MAD1L1: variants seen among roughly 807,000 people sequenced by gnomAD.
MAD1L1 encodes the protein mitotic arrest deficient 1 like 1, also known as mitotic spindle assembly checkpoint protein MAD1.
MAD1L1 carries 95 observed loss-of-function variants against 96.9 expected under a neutral mutation model. That is an observed-to-expected ratio of 0.98 (90% confidence interval 0.83 to 1.16). The LOEUF (loss-of-function observed/expected upper bound fraction) is 1.16. MAD1L1 is among the 50% of genes most tolerant of loss of function. MAD1L1 has a pLI of 0.00. For synonymous variants in MAD1L1, 473 were observed against 396.6 expected, an observed-to-expected ratio of 1.19 and a Z score of -2.29; for missense variants, 1,007 against 954.4, an observed-to-expected ratio of 1.06 and a Z score of -0.73.
At chr7:2,197,810 C>T (rs559552970) in intron 10 of MAD1L1, among the ~76,000 whole-genome samples, 5 of 152,214 alleles carry the variant, frequency 3.3e-5, no homozygotes, top group African/African-American at 4.8e-5. Context: ...CTCCTTCTGG[C>T]TACATCACTG....
chr7:2,194,629 A>G (rs1353908415), intron 10 of MAD1L1, among the ~76,000 whole-genome samples: 1 of 152,230 alleles, frequency 6.6e-6, no homozygotes, highest in Non-Finnish European at 1.5e-5. Context: ...AATATTTACT[A>G]TTAATACCCA....
At chr7:2,157,444 G>GCA (rs1203296218) in intron 10 of MAD1L1, among the ~76,000 whole-genome samples, 1 of 152,200 alleles carries the variant, frequency 6.6e-6, no homozygotes, top group Non-Finnish European at 1.5e-5. Context: ...GAGAAAAGCA[G>GCA]CACAGCATGC....
intron 15 of MAD1L1, among the ~76,000 whole-genome samples, chr7:1,965,604 C>T (rs1255307343): frequency 3.3e-5 from 5 of 152,256 alleles, no homozygotes; most frequent in African/African-American, 9.6e-5. Context: ...CCTCCCTGCT[C>T]GGAGTATGGA....
chr7:1,981,443 AG>A (rs1224838227), intron 14 of MAD1L1, among the ~76,000 whole-genome samples: 1 of 152,126 alleles, frequency 6.6e-6, no homozygotes, highest in East Asian at 1.9e-4. Flanking sequence ...CACCAGCTCC[AG>A]GGCCCGGGGG....
chr7:2,205,382 T>C (rs1792546703), intron 10 of MAD1L1, among the ~76,000 whole-genome samples: 1 of 152,188 alleles, frequency 6.6e-6, no homozygotes, highest in African/African-American at 2.4e-5. Flanking sequence ...ATCACTGCTG[T>C]GAAACCTAAA....
intron 1 of MAD1L1, among the ~76,000 whole-genome samples, chr7:2,232,442 A>G (rs925663931): frequency 2.6e-5 from 4 of 152,186 alleles, no homozygotes; most frequent in African/African-American, 9.6e-5. Context: ...CAGGATGCCA[A>G]GAGCCCCTGC....
At chr7:1,993,472 C>T (rs141073556) in intron 14 of MAD1L1, among the ~76,000 whole-genome samples, 98 of 152,308 alleles carry the variant, frequency 6.4e-4, no homozygotes, top group African/African-American at 2.2e-3. Context: ...ACACAAAGGT[C>T]ACGACGTATC....
chr7:2,132,037 A>G (rs1044115668), intron 11 of MAD1L1, among the ~76,000 whole-genome samples: 2 of 152,114 alleles, frequency 1.3e-5, no homozygotes, highest in African/African-American at 4.8e-5. Context: ...TCTCTTCTCC[A>G]AGCAGTCAGT....
chr7:2,209,047 G>A (rs139474260), intron 10 of MAD1L1, among the ~76,000 whole-genome samples: 7 of 152,246 alleles, frequency 4.6e-5, no homozygotes, highest in Non-Finnish European at 5.9e-5. Flanking sequence ...TCATCCACAC[G>A]CACTGTGTCC....
intron 16 of MAD1L1, among the ~76,000 whole-genome samples, chr7:1,947,157 C>T (rs112055688): frequency 8.5e-4 from 130 of 152,354 alleles, no homozygotes; most frequent in Admixed American, 3.1e-3. Context: ...TGAGCCCACG[C>T]CCTGGTGCGT....
At chr7:2,232,818 C>T (rs971033920) in intron 1 of MAD1L1, 54 bp downstream of exon 1, 34 of 152,174 alleles carry the variant, frequency 2.2e-4, no homozygotes, top group African/African-American at 6.5e-4. Flanking sequence ...CTTGCCATTC[C>T]CGGGACCCCC....
In MAD1L1 at chr7:1,869,926, G is replaced by A. The variant is rs1045375711; in HGVS notation, c.1998+28274C>T. On this transcript the variant is annotated intron_variant, in intron 18 of 18. Transcript: ENST00000265854. ...GCAGGCTGTGAGCCCAGGAAGCAACGGGGTCCAACAGGCGGCTGGCTGGAG... is the reference window on the plus strand; with the variant it reads ...GCAGGCTGTGAGCCCAGGAAGCAACAGGGTCCAACAGGCGGCTGGCTGGAG... Among the ~76,000 whole-genome samples the A allele has an allele frequency of 3.3e-5, 5 of 152,160 alleles. No individual in the cohort carries two copies. In the East Asian group the frequency reaches 7.7e-4, roughly 23 times the overall value.
At chr7:1,851,190 C>T (rs968788896) in intron 18 of MAD1L1, among the ~76,000 whole-genome samples, 1 of 152,194 alleles carries the variant, frequency 6.6e-6, no homozygotes, top group Non-Finnish European at 1.5e-5. Flanking sequence ...ATGCCCAGAC[C>T]AGAGCGGGCG....
At chr7:2,012,485 A>G (rs1782346767) in intron 13 of MAD1L1, among the ~76,000 whole-genome samples, 1 of 152,256 alleles carries the variant, frequency 6.6e-6, no homozygotes, top group Non-Finnish European at 1.5e-5. Context: ...TCCCAGGTAC[A>G]GCCGGAGCTA....
At position 1,946,284 on chromosome 7, in the gene MAD1L1, C is replaced by T. The variant is rs142779793; in HGVS notation, c.1597-9387G>A. Among the ~76,000 whole-genome samples the T allele has an allele frequency of 8.5e-3, 1,299 of 152,270 alleles. 15 individuals are homozygous for T. Among genetic ancestry groups the T allele is most frequent in the African/African-American group, 0.03 (1,260 of 41,548 alleles). ...GGGAGAAGCCCCTCCAGTGCTGCCC[C>T]GGCCCCGTGCACCCCACCCACCTAG... On this transcript the variant is annotated intron_variant, in intron 16 of 18. Transcript: ENST00000265854.
chr7:2,118,533 C>A (rs6955377), intron 11 of MAD1L1, among the ~76,000 whole-genome samples: 13,515 of 152,288 alleles, frequency 0.089, 1,940 homozygotes, highest in African/African-American at 0.3. Context: ...AAGATACACA[C>A]TACTCAACAC....
intron 11 of MAD1L1, among the ~76,000 whole-genome samples, chr7:2,124,692 CG>C (rs1381320576): frequency 6.6e-6 from 1 of 152,174 alleles, no homozygotes; most frequent in Non-Finnish European, 1.5e-5. Context: ...TCACACACCC[CG>C]GGAGGGCCAG....
intron 10 of MAD1L1, among the ~76,000 whole-genome samples, chr7:2,157,992 T>C (rs1280176803): frequency 6.6e-6 from 1 of 152,326 alleles, no homozygotes; most frequent in African/African-American, 2.4e-5. Context: ...GTGGAAGGCA[T>C]TCAGAGGCCT....
intron 13 of MAD1L1, among the ~76,000 whole-genome samples, chr7:2,011,136 A>AC (rs1281011078): frequency 6.7e-6 from 1 of 148,176 alleles, no homozygotes; most frequent in African/African-American, 2.5e-5. Flanking sequence ...GCGGCCCCCC[A>AC]CCCCCCGACC....
Sources: allele counts gnomAD v4.1 joint callset (sites outside exome capture counted in the v4.1 genomes callset), GRCh38; gene constraint gnomAD v4.1.1; transcripts MANE v1.5; gene names NCBI Gene and HGNC (gene_info 2026-07-23, HGNC 2026-07-21).